Variants in AGBL1 observed in about 807,000 individuals in gnomAD.
The protein encoded by AGBL1 is cytosolic carboxypeptidase 4.
In AGBL1, 130 loss-of-function variants were observed where a neutral mutation model predicts 118.9. That is an observed-to-expected ratio of 1.09 (90% CI 0.95 to 1.26). The LOEUF is 1.26. Among genes scored for constraint, AGBL1 ranks in the 50% most tolerant of loss-of-function variants. AGBL1 has a pLI of 0.00. For missense variants in AGBL1, 1,584 were observed against 1,298.1 expected, an observed-to-expected ratio of 1.22 and a Z score of -3.38; for synonymous variants, 555 against 478.9, an observed-to-expected ratio of 1.16 and a Z score of -2.08.
intron 18 of AGBL1, among the ~76,000 whole-genome samples, chr15:86,424,093 A>G (rs1160428546): frequency 6.6e-6 from 1 of 152,220 alleles, no homozygotes; most frequent in Non-Finnish European, 1.5e-5. Flanking sequence ...AAGCAAAAAG[A>G]ACAAAGCTGG....
intron 22 of AGBL1, among the ~76,000 whole-genome samples, chr15:86,821,037 G>A (rs2078936053): frequency 6.6e-6 from 1 of 152,130 alleles, no homozygotes; most frequent in South Asian, 2.1e-4. Context: ...CAGGGACATG[G>A]ATGAAGCTTG....
chr15:86,347,342 T>G (rs2080553857), intron 17 of AGBL1, among the ~76,000 whole-genome samples: 1 of 152,252 alleles, frequency 6.6e-6, no homozygotes, highest in South Asian at 2.1e-4. Context: ...ATTCATGATG[T>G]GCAGGATTGG....
At chr15:86,548,618 T>G (rs894838307) in intron 20 of AGBL1, among the ~76,000 whole-genome samples, 2 of 150,790 alleles carry the variant, frequency 1.3e-5, no homozygotes, top group Non-Finnish European at 2.9e-5. Flanking sequence ...CATCAAGAAA[T>G]GCAGTTTTAC....
intron 5 of AGBL1, among the ~76,000 whole-genome samples, chr15:86,161,074 GC>G (rs1261575567): frequency 1.3e-5 from 2 of 152,210 alleles, no homozygotes; most frequent in Admixed American, 6.5e-5. Flanking sequence ...AGTGTCAGAG[GC>G]AAGTGGGAAA....
chr15:86,288,246 G>A (rs1161969666), intron 16 of AGBL1, among the ~76,000 whole-genome samples: 1 of 152,092 alleles, frequency 6.6e-6, no homozygotes, highest in Non-Finnish European at 1.5e-5. Context: ...TGATCACAGA[G>A]ACTATAATCT....
chr15:86,391,550 G>T (rs1370215493), intron 17 of AGBL1, among the ~76,000 whole-genome samples: 2 of 150,790 alleles, frequency 1.3e-5, no homozygotes, highest in East Asian at 3.9e-4. Context: ...CTGCTCTCCT[G>T]GCCATTTCTT....
chr15:86,569,213 C>G (rs1015270413), intron 21 of AGBL1, among the ~76,000 whole-genome samples: 3 of 152,038 alleles, frequency 2.0e-5, no homozygotes, highest in Non-Finnish European at 4.4e-5. Context: ...GGGAGAATAG[C>G]CTGAGTCCAG....
At chr15:86,567,267 T>C (rs2083930529) in intron 21 of AGBL1, among the ~76,000 whole-genome samples, 2 of 152,182 alleles carry the variant, frequency 1.3e-5, no homozygotes, top group Admixed American at 6.5e-5. Context: ...TTGGCTTTCA[T>C]AGACACTAAT....
intron 5 of AGBL1, among the ~76,000 whole-genome samples, chr15:86,187,138 A>C (rs551734698): frequency 6.6e-6 from 1 of 152,102 alleles, no homozygotes; most frequent in Non-Finnish European, 1.5e-5. Flanking sequence ...ACCAACACAC[A>C]CCCCCATCCA....
intron 21 of AGBL1, among the ~76,000 whole-genome samples, chr15:86,610,582 A>T (rs1219670068): frequency 6.6e-6 from 1 of 152,180 alleles, no homozygotes; most frequent in Non-Finnish European, 1.5e-5. Flanking sequence ...TAGATAATAC[A>T]GTTTAGAGTT....
chr15:86,683,752 C>T lies in AGBL1; in HGVS notation c.3158+9316C>T, dbSNP rs76936538. Among the ~76,000 whole-genome samples, 75 of 152,286 alleles carry T rather than the reference C, an allele frequency of 4.9e-4. 1 individual carries two copies. In the East Asian group the frequency reaches 0.014, roughly 27 times the overall value. Reference sequence around the variant, plus strand: ...TATAGCAACTGCAGCCCTTCCCAGCCCTTGTCTTTTGTTGTCAATTCTAAA... The same window carrying T: ...TATAGCAACTGCAGCCCTTCCCAGCTCTTGTCTTTTGTTGTCAATTCTAAA... On this transcript the variant is annotated intron_variant, in intron 22 of 22. Coordinates refer to ENST00000614907, the MANE Select transcript of AGBL1 (RefSeq NM_001386094.1).
At chr15:86,215,221 ATGCGTG>A (rs1346832398) in intron 5 of AGBL1, among the ~76,000 whole-genome samples, 1,342 of 124,734 alleles carry the variant, frequency 0.011, 11 homozygotes, top group East Asian at 0.048. Flanking sequence ...GTGTATATGT[ATGCGTG>A]TGTGTGTGTG....
chr15:86,965,868 G>A (rs1325964882), intron 23 of AGBL1, among the ~76,000 whole-genome samples: 2 of 152,062 alleles, frequency 1.3e-5, no homozygotes, highest in Non-Finnish European at 2.9e-5. Flanking sequence ...TGAGGGCCTA[G>A]GGGAGGGATA....
At chr15:86,233,129 AG>A (rs2078483474) in intron 6 of AGBL1, among the ~76,000 whole-genome samples, 1 of 152,208 alleles carries the variant, frequency 6.6e-6, no homozygotes, top group Non-Finnish European at 1.5e-5. Flanking sequence ...ATTTGAACTC[AG>A]TTGTGACCAT....
rs1409433779 is a variant in AGBL1 at position 86,915,613 on chromosome 15, T to G, written c.*8319T>G. The G allele has an allele frequency of 6.6e-6, 1 of 152,218 alleles. No homozygotes were observed. Among genetic ancestry groups the G allele is most frequent in the Non-Finnish European group, 1.5e-5 (1 of 68,076 alleles). The allele number at this position is 152,218 out of a possible 1,614,324, so 9.4% of individuals were successfully genotyped here. On this transcript the variant is annotated 3_prime_UTR_variant, in exon 23 of 23. Coordinates refer to ENST00000614907, the MANE Select transcript of AGBL1 (RefSeq NM_001386094.1). ...ACAGCTTTTGTTGTATGGCATTGCC[T>G]GTGGACTTTGCTGTCCCCTCTTCAC...
chr15:86,998,940 G>A (rs1413270290), intron 24 of AGBL1, among the ~76,000 whole-genome samples: 1 of 151,072 alleles, frequency 6.6e-6, no homozygotes, highest in Admixed American at 6.6e-5. Context: ...GTATACATGT[G>A]CCATGTTGGT....
intron 17 of AGBL1, among the ~76,000 whole-genome samples, chr15:86,297,469 C>T (rs8038617): frequency 0.32 from 48,230 of 151,968 alleles, 7,950 homozygotes; most frequent in Non-Finnish European, 0.34. Context: ...AAATTCTTTA[C>T]AAAGTTTTAA....
intron 18 of AGBL1, among the ~76,000 whole-genome samples, chr15:86,448,798 G>T (rs933956565): frequency 2.6e-5 from 4 of 152,094 alleles, no homozygotes; most frequent in Non-Finnish European, 5.9e-5. Context: ...ATTATGAAAT[G>T]TTTAACCTGA....
chr15:86,974,468 ATT>A, intron 23 of AGBL1, among the ~76,000 whole-genome samples: 1 of 124,214 alleles, frequency 8.1e-6, no homozygotes, highest in East Asian at 2.1e-4. Flanking sequence ...ATATAAACAT[ATT>A]TTATATATTG....
Sources: allele counts gnomAD v4.1 joint callset (sites outside exome capture counted in the v4.1 genomes callset), GRCh38; gene constraint gnomAD v4.1.1; transcripts MANE v1.5; gene names NCBI Gene and HGNC (gene_info 2026-07-23, HGNC 2026-07-21).